TTLL10: variants seen among roughly 807,000 people sequenced by gnomAD.
The protein encoded by TTLL10 is inactive polyglycylase TTLL10.
Under a neutral mutation model 69.0 loss-of-function variants are expected in TTLL10, and 61 were observed. The ratio of observed to expected loss-of-function variants is 0.88; its 90% CI spans 0.72 to 1.09. The LOEUF (loss-of-function observed/expected upper bound fraction) is 1.09. Ranked by LOEUF, TTLL10 falls within the 50% of genes least tolerant of loss-of-function variation. TTLL10 has a pLI of 0.00. For missense variants in TTLL10, 962 were observed against 945.9 expected, an observed-to-expected ratio of 1.02 and a Z score of -0.22; for synonymous variants, 408 against 393.3, an observed-to-expected ratio of 1.04 and a Z score of -0.44.
intron 13 of TTLL10, among the ~76,000 whole-genome samples, chr1:1,191,904 A>G (rs774266960): frequency 5.3e-5 from 8 of 152,266 alleles, no homozygotes; most frequent in Non-Finnish European, 1.2e-4. Context: ...CGCTCCTGCT[A>G]TTGTTTGTGG....
Position 1,180,846 on chromosome 1 carries a change from G to T in TTLL10, c.741G>T (p.Gly247=). ...TGAGCAAGGCCAGCAAGGTGCCGGGGGGGGTCCAGGCCAGGTGAGTCTGCC... is the reference window on the plus strand; with the variant it reads ...TGAGCAAGGCCAGCAAGGTGCCGGGTGGGGTCCAGGCCAGGTGAGTCTGCC... ...RAMSKASKVP[G]GVQARLEKDA... is the part of the protein sequence containing the mutation. The change falls in exon 8 of 16, where the codon GGG becomes GGT. Residue 247 remains glycine (G), a synonymous_variant. Transcript: ENST00000379289. 2 of 1,575,640 alleles carry T rather than the reference G, an allele frequency of 1.3e-6. No individual in the cohort carries two copies. The highest frequency in any genetic ancestry group is 1.7e-6 in the Non-Finnish European group (2 of 1,161,314).
In TTLL10 at chr1:1,194,712, G is replaced by C. The variant is rs572201067; in HGVS notation, c.1402-1888G>C. 3.3e-5 allele frequency among the ~76,000 whole-genome samples: 5 copies of C among 152,290 alleles called. No homozygotes were observed. In the East Asian group the frequency reaches 9.6e-4, roughly 29 times the overall value. ...TCTGTGGATGCCTCATACATAACGA[G>C]CGGCTTCTCTCCTGCTGATTTCGAC... On this transcript the variant is annotated intron_variant, in intron 13 of 15. Transcript: ENST00000379289.
intron 13 of TTLL10, among the ~76,000 whole-genome samples, chr1:1,190,875 G>C (rs4449971): frequency 0.13 from 20,357 of 151,512 alleles, 2,481 homozygotes; most frequent in East Asian, 0.59. Flanking sequence ...ACCTAGGCTG[G>C]AGTGTAATGG....
At chr1:1,180,428 C>A in intron 6 of TTLL10, 55 bp from the exon 7 acceptor site, 1 of 1,540,462 alleles carries the variant, frequency 6.5e-7, no homozygotes, top group South Asian at 1.2e-5. Context: ...GGCCGCCCGC[C>A]ATCCCCAACC....
At chr1:1,189,540 C>T (rs575468727) in intron 13 of TTLL10, among the ~76,000 whole-genome samples, 2 of 152,162 alleles carry the variant, frequency 1.3e-5, no homozygotes, top group East Asian at 1.9e-4. Flanking sequence ...ATAAGCAATA[C>T]TGGTCTGTAG....
chr1:1,196,773 C>A, intron 14 of TTLL10, 57 bp downstream of exon 14: 2 of 1,226,458 alleles, frequency 1.6e-6, no homozygotes, highest in Non-Finnish European at 2.4e-6. Context: ...CAGGGGCCAT[C>A]TGTACACCCT....
chr1:1,176,281 T>G, intron 3 of TTLL10: 1 of 446,496 alleles, frequency 2.2e-6, no homozygotes, highest in Non-Finnish European at 4.5e-6. Flanking sequence ...GCTGTGCAGG[T>G]GGAGAGGCTG....
At chr1:1,182,214 G>A (rs912150385) in intron 9 of TTLL10, 147 bp from the exon 10 acceptor site, 56 of 711,920 alleles carry the variant, frequency 7.9e-5, no homozygotes, top group South Asian at 5.4e-4. Flanking sequence ...GGCAGGAAAC[G>A]CAAAGTCCCC....
chr1:1,197,384 C>T (rs1293335585), intron 15 of TTLL10, 54 bp from the exon 16 acceptor site: 1 of 932,140 alleles, frequency 1.1e-6, no homozygotes. Flanking sequence ...CTCCCCACCC[C>T]CTCCAGCCCC....
At chr1:1,184,368 C>T (rs1647184746) in intron 12 of TTLL10, among the ~76,000 whole-genome samples, 1 of 152,226 alleles carries the variant, frequency 6.6e-6, no homozygotes, top group African/African-American at 2.4e-5. Context: ...TGCAGCCTGG[C>T]TCCCAAGCCG....
At chr1:1,184,316 C>T (rs374022814) in intron 12 of TTLL10, among the ~76,000 whole-genome samples, 41 of 152,342 alleles carry the variant, frequency 2.7e-4, no homozygotes, top group African/African-American at 9.1e-4. Flanking sequence ...GCAGGGACCC[C>T]GTTAGCTGGT....
chr1:1,180,627 G>A (rs779869619), intron 7 of TTLL10, 26 bp downstream of exon 7: 1 of 1,552,276 alleles, frequency 6.4e-7, no homozygotes, highest in African/African-American at 1.4e-5. Flanking sequence ...ACCAGAGGCG[G>A]GCAGCCTGCA....
In TTLL10 at chr1:1,181,009, A is replaced by AGCCGCTGCCCCTGCCCCTGAACCC; in HGVS notation, c.755+152_755+153insGCTGCCCCTGCCCCTGAACCCGCC. Reference sequence around the variant, plus strand: ...CCACCCAGGCTCCCAGGCTGGCTCCAGCCCCTGCCCCTGCCCTTGCCCCTG... The same window carrying AGCCGCTGCCCCTGCCCCTGAACCC: ...CCACCCAGGCTCCCAGGCTGGCTCCAGCCGCTGCCCCTGCCCCTGAACCCGCCCCTGCCCCTGCCCTTGCCCCTG... On this transcript the variant is annotated intron_variant, in intron 8 of 15. Coordinates refer to ENST00000379289, the MANE Select transcript of TTLL10 (RefSeq NM_001130045.2). This position sits in a 1 kb window ranked among gnomAD's most constrained non-coding sequence, Gnocchi z 4.6. The AGCCGCTGCCCCTGCCCCTGAACCC allele has an allele frequency of 1.7e-6, 1 of 592,982 alleles. No individual in the cohort carries two copies. The highest frequency in any genetic ancestry group is 2.5e-6 in the Non-Finnish European group (1 of 396,480). The allele number at this position is 592,982 out of a possible 1,614,324, so 36.7% of individuals were successfully genotyped here. A position where few individuals can be genotyped will look rare whatever the true frequency, so the allele number is the denominator to read the frequency against.
rs550564878 is a variant in TTLL10, at chr1:1,186,886, T to C, written c.1401+1777T>C. Among the ~76,000 whole-genome samples the C allele has an allele frequency of 3.8e-4, 57 of 151,266 alleles. 1 individual carries two copies. Among genetic ancestry groups the C allele is most frequent in the Middle Eastern group, 3.4e-3 (1 of 294 alleles). ...TTTGAGACAGAGGCTCGCTCTGTCG[T>C]CCAGGCTGGAGTGCAGTGATGTGAT... On this transcript the variant is annotated intron_variant, in intron 13 of 15. Transcript: ENST00000379289.
In TTLL10 at chr1:1,181,697, T is replaced by C. The variant is rs1225658717; in HGVS notation, c.756-44T>C. 2 of 1,533,420 alleles carry C rather than the reference T, an allele frequency of 1.3e-6. No individual in the cohort carries two copies. Among genetic ancestry groups the C allele is most frequent in the African/African-American group, 2.7e-5 (2 of 73,320 alleles). The allele number at this position is 1,533,420 out of a possible 1,614,324, so 95.0% of individuals were successfully genotyped here. On this transcript the variant is annotated intron_variant, in intron 8 of 15. Transcript: ENST00000379289. This position sits in a 1 kb window ranked among gnomAD's most constrained non-coding sequence, Gnocchi z 4.6. ...CAGTCCCCACCCGCTCCAAGCACCATGAGCTGGCCCCTCAGTCCAGGCCCT... is the reference window on the plus strand; with the variant it reads ...CAGTCCCCACCCGCTCCAAGCACCACGAGCTGGCCCCTCAGTCCAGGCCCT...
chr1:1,188,428 C>CA (rs1301617592), intron 13 of TTLL10, among the ~76,000 whole-genome samples: 2 of 138,258 alleles, frequency 1.4e-5, no homozygotes, highest in Admixed American at 8.2e-5. Flanking sequence ...TTTTTTGAGA[C>CA]AGAGTCTCAT....
intron 13 of TTLL10, among the ~76,000 whole-genome samples, chr1:1,195,499 A>G (rs1570443230): frequency 1.3e-5 from 1 of 79,972 alleles, no homozygotes; most frequent in Non-Finnish European, 2.2e-5. Flanking sequence ...TCATCGTCAT[A>G]CTTTTTTTTT....
At chr1:1,177,197 T>A (rs1355458611) in intron 3 of TTLL10, among the ~76,000 whole-genome samples, 1 of 152,002 alleles carries the variant, frequency 6.6e-6, no homozygotes, top group Non-Finnish European at 1.5e-5. Flanking sequence ...TGTCTGTGCA[T>A]CCATGTGTCT....
intron 6 of TTLL10, 23 bp from the exon 7 acceptor site, chr1:1,180,460 A>ACC (rs57269982): frequency 1.8e-6 from 2 of 1,107,356 alleles, no homozygotes; most frequent in Non-Finnish European, 1.3e-6. Context: ...CCCCCAGGTC[A>ACC]CCCCCGCCCC....
Sources: allele counts gnomAD v4.1 joint callset (sites outside exome capture counted in the v4.1 genomes callset), GRCh38; gene constraint gnomAD v4.1.1; non-coding constraint Gnocchi (gnomAD v3.1); transcripts MANE v1.5; gene names NCBI Gene and HGNC (gene_info 2026-07-23, HGNC 2026-07-21).